ARTN: variants seen among roughly 807,000 people sequenced by gnomAD.
The protein encoded by ARTN is neublastin.
Under a neutral mutation model 15.4 loss-of-function variants are expected in ARTN, and 9 were observed. The observed-to-expected ratio is 0.58, with a 90% CI of 0.35 to 1.02. The LOEUF (loss-of-function observed/expected upper bound fraction) is 1.02. Ranked by LOEUF, ARTN falls within the 50% of genes least tolerant of loss-of-function variation. ARTN has a pLI of 0.02. For missense variants in ARTN, 284 were observed against 327.9 expected (o/e 0.87, Z 1.03); for synonymous variants, 163 against 155.8 (o/e 1.05, Z -0.35).
chr1:43,935,967 C>T (rs2085087487), intron 3 of ARTN, 126 bp from the exon 4 acceptor site: 4 of 1,354,856 alleles, frequency 3.0e-6, no homozygotes, highest in Non-Finnish European at 3.1e-6. Context: ...TTCCCCTCCA[C>T]ACAGCTAGGA....
chr1:43,935,878 C>T, intron 3 of ARTN, 162 bp downstream of exon 3: 1 of 893,730 alleles, frequency 1.1e-6, no homozygotes. Context: ...TCTGAATGGT[C>T]GGTGCACTCA....
chr1:43,933,997 T>C (rs749453692), intron 1 of ARTN, 112 bp downstream of exon 1: 2 of 152,338 alleles, frequency 1.3e-5, no homozygotes, highest in Non-Finnish European at 2.9e-5. Flanking sequence ...CTCCCTCTCT[T>C]GGGCCCTCGG....
At chr1:43,934,687 G>A (rs1268615688) in intron 2 of ARTN, among the ~76,000 whole-genome samples, 2 of 152,182 alleles carry the variant, frequency 1.3e-5, no homozygotes, top group Non-Finnish European at 2.9e-5. Flanking sequence ...GGCTGGCTGG[G>A]ATCAGGAACG....
Position 43,936,161 on chromosome 1 carries a change from C to T in ARTN, c.129C>T (p.Ser43=), listed in dbSNP as rs764554784. ...GCGTCGCAGAGGCCTCCCTGGGCTC[C>T]GCGCCCCGCAGCCCTGCCCCCCGCG... ...LSSVAEASLG[S]APRSPAPREG... The change falls in exon 4 of 5, where the codon TCC becomes TCT. Residue 43 remains serine, a synonymous_variant. Coordinates refer to ENST00000372359, the MANE Select transcript of ARTN (RefSeq NM_057091.3). This position sits in a 1 kb window ranked among gnomAD's most constrained non-coding sequence, Gnocchi z 6.6. 9 of 1,574,030 alleles carry T rather than the reference C, an allele frequency of 5.7e-6. No individual in the cohort carries two copies. In the Admixed American group the frequency reaches 1.4e-4, roughly 25 times the overall value.
At position 43,937,113 on chromosome 1, in the gene ARTN, G is replaced by A. The variant is rs114948251; in HGVS notation, c.*348G>A. 0.045 allele frequency: 10,169 copies of A among 227,136 alleles called. 321 individuals carry two copies. Among genetic ancestry groups the A allele is most frequent in the Non-Finnish European group, 0.063 (7,371 of 116,728 alleles). 14.1% of individuals were successfully genotyped at this position (227,136 alleles called of 1,614,324 possible). ...TGGCTGAGGCATCAGCCCCCGCCCAGGCCCTGTAGGGACAGCATTTGAAGG... is the reference window on the plus strand; with the variant it reads ...TGGCTGAGGCATCAGCCCCCGCCCAAGCCCTGTAGGGACAGCATTTGAAGG... On this transcript the variant is annotated 3_prime_UTR_variant, in exon 5 of 5. Coordinates refer to ENST00000372359, the MANE Select transcript of ARTN (RefSeq NM_057091.3).
chr1:43,936,359 C>G lies in ARTN; in HGVS notation c.257C>G (p.Ser86Cys), dbSNP rs563881574. 264 of 1,306,572 alleles carry G rather than the reference C, an allele frequency of 2.0e-4. 1 individual carries two copies. The East Asian group carries it at 7.5e-3, about 37-fold the overall frequency. The allele number at this position is 1,306,572 out of a possible 1,614,324, so 80.9% of individuals were successfully genotyped here. A position where few individuals can be genotyped will look rare whatever the true frequency, so the allele number is the denominator to read the frequency against. The change falls in exon 5 of 5, where the codon TCT becomes TGT. Residue 86 changes from serine (S) to cysteine (C), a missense_variant. Coordinates refer to ENST00000372359, the MANE Select transcript of ARTN (RefSeq NM_057091.3). This position sits in a 1 kb window ranked among gnomAD's most constrained non-coding sequence, Gnocchi z 6.6. ...GCCCGGCGGCCGCCGCCGCAGCCTT[C>G]TCGGCCCGCGCCCCCGCCGCCTGCA... ...GRARRPPPQP[S>C]RPAPPPPAPP...
intron 2 of ARTN, chr1:43,935,348 C>A (rs1009360741): frequency 5.2e-6 from 2 of 381,012 alleles, no homozygotes; most frequent in South Asian, 6.1e-5. Context: ...GACCTTGTAA[C>A]CTTAGACAAC....
Position 43,936,896 on chromosome 1 carries a change from G to T in ARTN, c.*131G>T. ...GCCTCAAAGCTGAGAGGCCCCTGCC[G>T]GTGGGTGATGGATATCATCCCCGAA... On this transcript the variant is annotated 3_prime_UTR_variant, in exon 5 of 5. Coordinates refer to ENST00000372359, the MANE Select transcript of ARTN (RefSeq NM_057091.3). The surrounding 1 kb of genome is among the most constrained non-coding windows in gnomAD (Gnocchi z 6.6). The T allele has an allele frequency of 8.2e-7, 1 of 1,215,088 alleles. No individual in the cohort carries two copies. Among genetic ancestry groups the T allele is most frequent in the Non-Finnish European group, 1.1e-6 (1 of 947,398 alleles). The allele number at this position is 1,215,088 out of a possible 1,614,324, so 75.3% of individuals were successfully genotyped here.
rs1236324717 is a variant in ARTN at position 43,937,031 on chromosome 1, G to C, written c.*266G>C. The C allele has an allele frequency of 5.5e-6, 2 of 366,478 alleles. No individual in the cohort carries two copies. Among genetic ancestry groups the C allele is most frequent in the African/African-American group, 2.1e-5 (1 of 47,766 alleles). The allele number at this position is 366,478 out of a possible 1,614,324, so 22.7% of individuals were successfully genotyped here. On this transcript the variant is annotated 3_prime_UTR_variant, in exon 5 of 5. Coordinates refer to ENST00000372359, the MANE Select transcript of ARTN (RefSeq NM_057091.3). ...GAGCCCTTCGGACCCACTTCTCACAGACTCTGGCACTGGCCAGGCCTCGAA... is the reference window on the plus strand; with the variant it reads ...GAGCCCTTCGGACCCACTTCTCACACACTCTGGCACTGGCCAGGCCTCGAA...
chr1:43,935,446 A>G (rs1171264635), intron 2 of ARTN, 144 bp from the exon 3 acceptor site: 1 of 566,642 alleles, frequency 1.8e-6, no homozygotes. Flanking sequence ...ATAGCTGCAA[A>G]GCACCTAACA....
At chr1:43,934,283 G>A (rs2085069248) in intron 2 of ARTN, 23 bp downstream of exon 2, 1 of 153,376 alleles carries the variant, frequency 6.5e-6, no homozygotes, top group Admixed American at 6.5e-5. Flanking sequence ...CTGGTGGATG[G>A]GGAGGCAAGG....
Position 43,936,408 on chromosome 1 carries a change from G to T in ARTN, c.306G>T (p.Gly102=). The T allele has an allele frequency of 1.7e-6, 2 of 1,179,328 alleles. No individual in the cohort carries two copies. The highest frequency in any genetic ancestry group is 2.1e-6 in the Non-Finnish European group (2 of 954,964). 73.1% of individuals were successfully genotyped at this position (1,179,328 alleles called of 1,614,324 possible). A position where few individuals can be genotyped will look rare whatever the true frequency, so the allele number is the denominator to read the frequency against. ...PPAPPSALPR[G]GRAARAGGPG... is the part of the protein sequence containing the mutation. ...CACCCCCATCTGCTCTTCCCCGCGG[G>T]GGCCGCGCGGCGCGGGCTGGGGGCC... Residue 102 remains glycine (G), a synonymous_variant, in exon 5 of 5, where the codon GGG becomes GGT. Transcript: ENST00000372359. This position sits in a 1 kb window ranked among gnomAD's most constrained non-coding sequence, Gnocchi z 6.6.
At chr1:43,935,060 C>T (rs908748110) in intron 2 of ARTN, among the ~76,000 whole-genome samples, 1 of 152,222 alleles carries the variant, frequency 6.6e-6, no homozygotes. Flanking sequence ...GGGTCCAGAA[C>T]ACAGTTCACA....
In ARTN at chr1:43,936,395, C is replaced by A; in HGVS notation, c.293C>A (p.Ala98Asp). 1 of 1,209,648 alleles carries A rather than the reference C, an allele frequency of 8.3e-7. No individual in the cohort carries two copies. Among genetic ancestry groups the A allele is most frequent in the Non-Finnish European group, 1.0e-6 (1 of 974,454 alleles). 74.9% of individuals were successfully genotyped at this position (1,209,648 alleles called of 1,614,324 possible). A position where few individuals can be genotyped will look rare whatever the true frequency, so the allele number is the denominator to read the frequency against. ...PAPPPPAPPSALPRGGRAARA... is the reference protein window; with the variant it reads ...PAPPPPAPPSDLPRGGRAARA... The stretch of plus-strand genomic sequence containing the variant: ...CCCCCGCCGCCTGCACCCCCATCTG[C>A]TCTTCCCCGCGGGGGCCGCGCGGCG... The change falls in exon 5 of 5, where the codon GCT becomes GAT. Residue 98 changes from alanine to aspartate, a missense_variant. Coordinates refer to ENST00000372359, the MANE Select transcript of ARTN (RefSeq NM_057091.3). The surrounding 1 kb of genome is among the most constrained non-coding windows in gnomAD (Gnocchi z 6.6).
rs1220399474 is a variant in ARTN, at chr1:43,936,262, G to C, written c.199+31G>C. 7.1e-7 allele frequency: 1 copy of C among 1,403,968 alleles called. No individual in the cohort carries two copies. The highest frequency in any genetic ancestry group is 9.2e-7 in the Non-Finnish European group (1 of 1,089,738). 87.0% of individuals were successfully genotyped at this position (1,403,968 alleles called of 1,614,324 possible). ...TGAGAGGGCGAGGGGGCGGGGCGGG[G>C]CTGGCCCGGGACACCGCGCGTGACT... On this transcript the variant is annotated intron_variant, in intron 4 of 4. Coordinates refer to ENST00000372359, the MANE Select transcript of ARTN (RefSeq NM_057091.3). This position sits in a 1 kb window ranked among gnomAD's most constrained non-coding sequence, Gnocchi z 6.6.
chr1:43,936,613 G>T lies in ARTN; in HGVS notation c.511G>T (p.Ala171Ser). The change falls in exon 5 of 5, where the codon GCC becomes TCC. Residue 171 changes from alanine to serine, a missense_variant. Ala to Ser is a moderately conservative substitution (Grantham distance 99). Coordinates refer to ENST00000372359, the MANE Select transcript of ARTN (RefSeq NM_057091.3). This position sits in a 1 kb window ranked among gnomAD's most constrained non-coding sequence, Gnocchi z 6.6. ...CCTCAGCCTGGCCAGCCTACTGGGCGCCGGGGCCCTGCGACCGCCCCCGGG... is the reference window on the plus strand; with the variant it reads ...CCTCAGCCTGGCCAGCCTACTGGGCTCCGGGGCCCTGCGACCGCCCCCGGG... ...HDLSLASLLG[A>S]GALRPPPGSR... 1 of 1,591,962 alleles carries T rather than the reference G, an allele frequency of 6.3e-7. No individual in the cohort carries two copies. The highest frequency in any genetic ancestry group is 8.5e-7 in the Non-Finnish European group (1 of 1,170,140).
At chr1:43,935,544 G>A (rs2085080762) in intron 2 of ARTN, 46 bp from the exon 3 acceptor site, 3 of 1,116,980 alleles carry the variant, frequency 2.7e-6, no homozygotes, top group African/African-American at 1.6e-5. Flanking sequence ...AACTGGGGTG[G>A]CAGGCCGGTC....
In ARTN at chr1:43,936,313, G is replaced by A; in HGVS notation, c.211G>A (p.Ala71Thr). 1 of 1,359,936 alleles carries A rather than the reference G, an allele frequency of 7.4e-7. No homozygotes were observed. Among genetic ancestry groups the A allele is most frequent in the Non-Finnish European group, 9.4e-7 (1 of 1,065,404 alleles). 84.2% of individuals were successfully genotyped at this position (1,359,936 alleles called of 1,614,324 possible). Residue 71 changes from alanine to threonine, a missense_variant, in exon 5 of 5, where the codon GCC becomes ACC. Ala to Thr is a moderately conservative substitution (Grantham distance 58). Coordinates refer to ENST00000372359, the MANE Select transcript of ARTN (RefSeq NM_057091.3). This position sits in a 1 kb window ranked among gnomAD's most constrained non-coding sequence, Gnocchi z 6.6. ...PAGHLPGGRT[A>T]RWCSGRARRP... ...GGGTCTCATTCCAGGGGGACGCACG[G>A]CCCGCTGGTGCAGTGGAAGAGCCCG...
chr1:43,935,995 TCTC>T (rs754567039), intron 3 of ARTN, 95 bp from the exon 4 acceptor site: 2 of 1,523,422 alleles, frequency 1.3e-6, no homozygotes, highest in South Asian at 2.3e-5. Flanking sequence ...CCCGGCCTGA[TCTC>T]AGCCCGAGGA....
Sources: gnomAD v4.1 joint callset for allele counts (sites outside exome capture counted in the v4.1 genomes callset) on GRCh38, gnomAD v4.1.1 for gene constraint, Gnocchi (gnomAD v3.1) non-coding constraint, MANE v1.5 for transcripts, NCBI Gene and HGNC (gene_info 2026-07-23, HGNC 2026-07-21) for gene names.